Variants in ADAMTSL1 observed in about 807,000 individuals in gnomAD.
The protein encoded by ADAMTSL1 is ADAMTS-like protein 1.
In ADAMTSL1, 126 loss-of-function variants were observed where a neutral mutation model predicts 201.8. That is an observed-to-expected ratio of 0.62 (90% CI 0.54 to 0.72). The LOEUF (loss-of-function observed/expected upper bound fraction) is 0.72. ADAMTSL1 is among the 30% of genes least tolerant of loss of function. The pLI is 0.00. For missense variants in ADAMTSL1, 2,679 were observed against 2,277.8 expected (o/e 1.18, Z -3.59); for synonymous variants, 1,121 against 903.4 (o/e 1.24, Z -4.32).
At chr9:18,781,266 G>C (rs1023336182) in intron 19 of ADAMTSL1, among the ~76,000 whole-genome samples, 13 of 152,140 alleles carry the variant, frequency 8.5e-5, no homozygotes, top group African/African-American at 3.1e-4. Flanking sequence ...AGCACTAAGA[G>C]GGTAAGAGGG....
chr9:18,458,175 G>A (rs1032447008), intron 2 of ADAMTSL1, among the ~76,000 whole-genome samples: 1 of 152,130 alleles, frequency 6.6e-6, no homozygotes, highest in Non-Finnish European at 1.5e-5. Context: ...ACCTTGAAAG[G>A]CTGTTTTCAT....
intron 3 of ADAMTSL1, among the ~76,000 whole-genome samples, chr9:18,546,102 T>C (rs1191048168): frequency 6.6e-6 from 1 of 152,210 alleles, no homozygotes; most frequent in Non-Finnish European, 1.5e-5. Flanking sequence ...TTCCTTTGCA[T>C]TTTAAACATT....
chr9:18,017,840 C>T (rs918804558), intron 1 of ADAMTSL1, among the ~76,000 whole-genome samples: 53 of 151,990 alleles, frequency 3.5e-4, no homozygotes, highest in African/African-American at 1.3e-3. Flanking sequence ...CTTACAGGAA[C>T]AGGCTGTCTT....
chr9:18,319,984 C>T (rs527422256), intron 2 of ADAMTSL1, among the ~76,000 whole-genome samples: 24 of 152,194 alleles, frequency 1.6e-4, no homozygotes, highest in Admixed American at 5.2e-4. Context: ...CTGTTTCTAG[C>T]TTTGAAGGTA....
In ADAMTSL1 at chr9:18,776,849, C is replaced by T. The variant is rs1821044072; in HGVS notation, c.2620C>T (p.Arg874Cys). 2.5e-6 allele frequency: 4 copies of T among 1,603,992 alleles called. No homozygotes were observed. Among genetic ancestry groups the T allele is most frequent in the Non-Finnish European group, 3.4e-6 (4 of 1,175,804 alleles). The change falls in exon 19 of 29, where the codon CGC (arginine) becomes TGC (cysteine). Residue 874 changes from arginine to cysteine, a missense_variant. Physicochemically the swap from Arg to Cys is radical, Grantham distance 180. Transcript: ENST00000380548. ...CGCCAGGAAGGTCTACATACAGACTCGCAGGCAGAGGAAGCTGCACTTCGT... is the reference window on the plus strand; with the variant it reads ...CGCCAGGAAGGTCTACATACAGACTTGCAGGCAGAGGAAGCTGCACTTCGT... ...AAARKVYIQT[R>C]RQRKLHFVVG...
At chr9:18,142,380 A>T (rs576320392) in intron 1 of ADAMTSL1, among the ~76,000 whole-genome samples, 2 of 152,348 alleles carry the variant, frequency 1.3e-5, no homozygotes, top group East Asian at 3.9e-4. Flanking sequence ...GGAATAGGGA[A>T]CAATGAAATT....
intron 2 of ADAMTSL1, among the ~76,000 whole-genome samples, chr9:18,430,087 G>T (rs951080953): frequency 3.3e-5 from 5 of 152,058 alleles, no homozygotes; most frequent in African/African-American, 1.2e-4. Context: ...ACCATGCCTG[G>T]CCAATAGTAG....
chr9:18,047,722 A>G (rs1370498101), intron 1 of ADAMTSL1, among the ~76,000 whole-genome samples: 1 of 152,212 alleles, frequency 6.6e-6, no homozygotes, highest in African/African-American at 2.4e-5. Flanking sequence ...ATATAAACAG[A>G]CATTGAACGC....
chr9:18,543,259 G>A (rs1048517252), intron 3 of ADAMTSL1, among the ~76,000 whole-genome samples: 17 of 152,264 alleles, frequency 1.1e-4, no homozygotes, highest in African/African-American at 3.4e-4. Flanking sequence ...TTTTGGAGTT[G>A]AGAAGAACTG....
rs112939551 is a variant in ADAMTSL1, at chr9:18,144,868, A to T, written c.88-18994A>T. On this transcript the variant is annotated intron_variant, in intron 1 of 29. Coordinates refer to the ADAMTSL1 transcript ENST00000680146. ...TAACACTCTGTTTCTAAACAGTGGG[A>T]CTATGATGGAGTTACAGCAAAATGA... Among the ~76,000 whole-genome samples the T allele has an allele frequency of 3.9e-5, 6 of 152,246 alleles. 1 individual carries two copies. The highest frequency in any genetic ancestry group is 1.4e-4 in the African/African-American group (6 of 41,560).
intron 1 of ADAMTSL1, among the ~76,000 whole-genome samples, chr9:18,158,900 C>G (rs1331083): frequency 0.027 from 4,041 of 152,024 alleles, 193 homozygotes; most frequent in African/African-American, 0.092. Context: ...TTGGGCTCTT[C>G]AGATCATGTG....
chr9:18,010,366 A>G (rs145120514), intron 1 of ADAMTSL1, among the ~76,000 whole-genome samples: 188 of 152,172 alleles, frequency 1.2e-3, no homozygotes, highest in African/African-American at 4.3e-3. Flanking sequence ...TCAAATCTGG[A>G]GAGATTGTTA....
chr9:18,500,627 G>A (rs1035970009), intron 1 of ADAMTSL1, among the ~76,000 whole-genome samples: 66 of 152,110 alleles, frequency 4.3e-4, no homozygotes, highest in Admixed American at 4.0e-3. Context: ...AAACTCAGGC[G>A]CTTCTTCTCT....
At chr9:17,976,837 G>T (rs1818471210) in intron 1 of ADAMTSL1, among the ~76,000 whole-genome samples, 1 of 148,118 alleles carries the variant, frequency 6.8e-6, no homozygotes, top group Non-Finnish European at 1.5e-5. Flanking sequence ...TGTTTTTCTT[G>T]CCTAGTTGCT....
chr9:18,130,636 T>G (rs953640094), intron 1 of ADAMTSL1, among the ~76,000 whole-genome samples: 2 of 152,184 alleles, frequency 1.3e-5, no homozygotes, highest in African/African-American at 4.8e-5. Flanking sequence ...GTCTTTTAGA[T>G]GGCCAGGAAA....
chr9:18,072,111 G>A (rs538046745), intron 1 of ADAMTSL1, among the ~76,000 whole-genome samples: 43 of 152,262 alleles, frequency 2.8e-4, no homozygotes, highest in African/African-American at 7.9e-4. Context: ...GCCATGTGCC[G>A]TGGGGATCTT....
intron 21 of ADAMTSL1, among the ~76,000 whole-genome samples, chr9:18,824,444 G>C (rs1471775193): frequency 6.6e-6 from 1 of 152,128 alleles, no homozygotes; most frequent in East Asian, 1.9e-4. Context: ...TGGTATCCAA[G>C]TCTCCACCCA....
chr9:18,208,852 A>G (rs1829756236), intron 2 of ADAMTSL1, among the ~76,000 whole-genome samples: 1 of 152,194 alleles, frequency 6.6e-6, no homozygotes, highest in Admixed American at 6.5e-5. Flanking sequence ...AACTTTACCT[A>G]TGCCTCTTTC....
At chr9:18,301,892 A>C (rs1014987826) in intron 2 of ADAMTSL1, among the ~76,000 whole-genome samples, 2 of 152,202 alleles carry the variant, frequency 1.3e-5, no homozygotes, top group African/African-American at 4.8e-5. Context: ...TATTTTGATA[A>C]AAATAGAACA....
Sources: gnomAD v4.1 joint callset for allele counts (sites outside exome capture counted in the v4.1 genomes callset) on GRCh38, gnomAD v4.1.1 for gene constraint, MANE v1.5 for transcripts, NCBI Gene and HGNC (gene_info 2026-07-23, HGNC 2026-07-21) for gene names.